RHBDD1: variants seen among roughly 807,000 people sequenced by gnomAD.
The protein encoded by RHBDD1 is rhomboid domain containing 1, also known as rhomboid-related protein 4.
Under a neutral mutation model 36.3 loss-of-function variants are expected in RHBDD1, and 38 were observed. That is an observed-to-expected ratio of 1.05 (90% CI 0.81 to 1.37). The LOEUF is 1.37. RHBDD1 is among the 40% of genes most tolerant of loss of function. The probability of loss-of-function intolerance (pLI) is 0.00; values close to 1 mark genes in which losing one functional copy is unlikely to be tolerated. For synonymous variants in RHBDD1, 151 were observed against 136.5 expected (o/e 1.11, Z -0.74); for missense variants, 393 against 377.6 (o/e 1.04, Z -0.34).
intron 8 of RHBDD1, among the ~76,000 whole-genome samples, chr2:226,962,586 C>A (rs1471972486): frequency 6.6e-6 from 1 of 152,142 alleles, no homozygotes; most frequent in East Asian, 1.9e-4. Flanking sequence ...TTACTTCTGG[C>A]AAGAGGATTT....
intron 8 of RHBDD1, chr2:226,988,405 C>G: frequency 1.3e-6 from 2 of 1,550,462 alleles, no homozygotes; most frequent in South Asian, 1.2e-5. Context: ...ACAAAGGACC[C>G]AGATGCCTGG....
chr2:226,806,519 A>G, the RHBDD1 span, among the ~76,000 whole-genome samples: 12,228 of 152,286 alleles, frequency 0.08, 559 homozygotes, highest in East Asian at 0.13. Context: ...ACCTCCAGCA[A>G]CTGTCACAAG....
chr2:226,874,934 C>T (rs1945099663), intron 5 of RHBDD1, among the ~76,000 whole-genome samples: 1 of 149,546 alleles, frequency 6.7e-6, no homozygotes, highest in Non-Finnish European at 1.5e-5. Context: ...TTGTGAATTC[C>T]TGGTTATTCA....
intron 5 of RHBDD1, among the ~76,000 whole-genome samples, chr2:226,897,974 C>T (rs750396003): frequency 4.6e-5 from 7 of 151,240 alleles, no homozygotes; most frequent in Non-Finnish European, 1.0e-4. Flanking sequence ...AGCAAAACTC[C>T]GTCTCAAAAA....
chr2:226,971,538 A>G (rs1440573081), intron 8 of RHBDD1, among the ~76,000 whole-genome samples: 2 of 152,184 alleles, frequency 1.3e-5, no homozygotes, highest in Admixed American at 6.5e-5. Context: ...TTGACTTTTG[A>G]TAAGTTCATG....
intron 6 of RHBDD1, among the ~76,000 whole-genome samples, chr2:226,907,232 A>C (rs935958112): frequency 6.6e-6 from 1 of 152,348 alleles, no homozygotes; most frequent in African/African-American, 2.4e-5. Flanking sequence ...TCCATGAATT[A>C]ATATACGTGC....
At position 226,839,467 on chromosome 2, in the gene RHBDD1, A is replaced by G. The variant is rs1012769021; in HGVS notation, c.-251A>G. 6.6e-6 allele frequency: 1 copy of G among 152,178 alleles called. No homozygotes were observed. Among genetic ancestry groups the G allele is most frequent in the Non-Finnish European group, 1.5e-5 (1 of 68,034 alleles). The allele number at this position is 152,178 out of a possible 1,614,324, so 9.4% of individuals were successfully genotyped here. On this transcript the variant is annotated 5_prime_UTR_variant, in exon 3 of 9. Coordinates refer to ENST00000392062, the MANE Select transcript of RHBDD1 (RefSeq NM_001167608.3). ...TCAGGAGCCGAGAAGCTTTAAGAAC[A>G]GTGAGGTTGAAGGGCACAGGCTCTT...
chr2:226,873,855 G>T (rs1184152295), intron 5 of RHBDD1, among the ~76,000 whole-genome samples: 1 of 152,086 alleles, frequency 6.6e-6, no homozygotes, highest in African/African-American at 2.4e-5. Context: ...TTAAGGTGTG[G>T]GTGGGTCTGT....
chr2:226,920,449 A>G (rs964335381), intron 8 of RHBDD1, among the ~76,000 whole-genome samples: 4 of 152,216 alleles, frequency 2.6e-5, no homozygotes, highest in African/African-American at 9.6e-5. Flanking sequence ...GAAAGTGTGC[A>G]TCTTTGTTAT....
rs539982757 is a variant in RHBDD1 at position 226,953,046 on chromosome 2, T to C, written c.856+38695T>C. On this transcript the variant is annotated intron_variant, in intron 8 of 8. Coordinates refer to ENST00000392062, the MANE Select transcript of RHBDD1 (RefSeq NM_001167608.3). ...AACTTTCATCACATTCCAGTTCTTATTGGAATTGATGCAATTAAGAAAATG... is the reference window on the plus strand; with the variant it reads ...AACTTTCATCACATTCCAGTTCTTACTGGAATTGATGCAATTAAGAAAATG... Among the ~76,000 whole-genome samples, 11 of 152,310 alleles carry C rather than the reference T, an allele frequency of 7.2e-5. No individual in the cohort carries two copies. In the South Asian group the frequency reaches 1.5e-3, roughly 20 times the overall value.
chr2:226,924,976 C>T (rs1949572757), intron 8 of RHBDD1, among the ~76,000 whole-genome samples: 1 of 152,188 alleles, frequency 6.6e-6, no homozygotes, highest in Admixed American at 6.5e-5. Context: ...CTCACATGAT[C>T]TTTGGTTCTT....
chr2:226,831,778 T>A (rs1940746329), upstream of RHBDD1, among the ~76,000 whole-genome samples: 2 of 152,182 alleles, frequency 1.3e-5, 1 homozygote, highest in South Asian at 4.1e-4. Flanking sequence ...TTTTGGCAAT[T>A]TGTGTCTGTC....
At chr2:226,813,707 T>C in the RHBDD1 span, among the ~76,000 whole-genome samples, 1 of 152,182 alleles carries the variant, frequency 6.6e-6, no homozygotes, top group Non-Finnish European at 1.5e-5. Context: ...TTGTGGAGTT[T>C]TGAACAGATG....
intron 5 of RHBDD1, among the ~76,000 whole-genome samples, chr2:226,876,322 G>A (rs1440096312): frequency 6.6e-6 from 1 of 152,168 alleles, no homozygotes; most frequent in Non-Finnish European, 1.5e-5. Flanking sequence ...GCTAGAACTA[G>A]TGCAGTGACT....
chr2:226,835,799 T>G (rs964807087), upstream of RHBDD1: 3 of 152,290 alleles, frequency 2.0e-5, no homozygotes, highest in African/African-American at 7.2e-5. Context: ...ACATTTCACA[T>G]GGAGCTTAGA....
At chr2:226,885,941 A>T (rs1005910974) in intron 5 of RHBDD1, among the ~76,000 whole-genome samples, 1 of 152,200 alleles carries the variant, frequency 6.6e-6, no homozygotes, top group South Asian at 2.1e-4. Flanking sequence ...GCATGGATCC[A>T]CTGGACAAAG....
intron 8 of RHBDD1, among the ~76,000 whole-genome samples, chr2:226,989,802 A>C (rs1368819771): frequency 3.3e-5 from 5 of 152,206 alleles, no homozygotes; most frequent in Non-Finnish European, 5.9e-5. Context: ...AGAGAAAAGT[A>C]CAACAGGTAA....
At chr2:226,917,294 CGA>C (rs963058268) in intron 8 of RHBDD1, among the ~76,000 whole-genome samples, 52 of 151,946 alleles carry the variant, frequency 3.4e-4, no homozygotes, top group African/African-American at 1.2e-3. Context: ...AAAAATAACT[CGA>C]GAGTATACTG....
At chr2:226,993,778 C>G (rs573765583) in intron 8 of RHBDD1, among the ~76,000 whole-genome samples, 2 of 152,144 alleles carry the variant, frequency 1.3e-5, no homozygotes, top group Non-Finnish European at 2.9e-5. Context: ...TTGAATTTCT[C>G]TTTGACAACG....
Sources: allele counts gnomAD v4.1 joint callset (sites outside exome capture counted in the v4.1 genomes callset), GRCh38; gene constraint gnomAD v4.1.1; transcripts MANE v1.5; gene names NCBI Gene and HGNC (gene_info 2026-07-23, HGNC 2026-07-21).